NLGN1: variants seen among roughly 807,000 people sequenced by gnomAD.
The protein encoded by NLGN1 is neuroligin-1.
In NLGN1, 12 loss-of-function variants were observed where a neutral mutation model predicts 65.5. The observed-to-expected ratio is 0.18, with a 90% CI of 0.12 to 0.30. The LOEUF is 0.30. NLGN1 is among the 10% of genes least tolerant of loss of function. The pLI, the probability that NLGN1 is intolerant of heterozygous loss-of-function variation, is 1.00. For missense variants in NLGN1, 750 were observed against 1,007.1 expected (o/e 0.74, Z 3.46); for synonymous variants, 350 against 359.5 (o/e 0.97, Z 0.30).
intron 2 of NLGN1, among the ~76,000 whole-genome samples, chr3:173,453,637 C>T (rs1722012350): frequency 6.6e-6 from 1 of 152,182 alleles, no homozygotes; most frequent in Non-Finnish European, 1.5e-5. Flanking sequence ...ACTTTCTTCA[C>T]TTATCCATAA....
chr3:173,914,932 TG>T (rs1740423207), intron 4 of NLGN1: 1 of 152,218 alleles, frequency 6.6e-6, no homozygotes, highest in African/African-American at 2.4e-5. Flanking sequence ...TGTACTTGAA[TG>T]GAGCACAAGA....
chr3:173,740,578 ATAAT>A (rs1195875592), intron 3 of NLGN1, among the ~76,000 whole-genome samples: 1 of 152,080 alleles, frequency 6.6e-6, no homozygotes, highest in Non-Finnish European at 1.5e-5. Context: ...AGAGAAGAAA[ATAAT>A]TATAGACAAA....
At position 174,158,543 on chromosome 3, in the gene NLGN1, G is replaced by A. The variant is rs1016195348; in HGVS notation, c.647-116772G>A. Among the ~76,000 whole-genome samples, 5 of 151,540 alleles carry A rather than the reference G, an allele frequency of 3.3e-5. No homozygotes were observed. In the South Asian group the frequency reaches 6.2e-4, roughly 19 times the overall value. On this transcript the variant is annotated intron_variant, in intron 4 of 6. Coordinates refer to ENST00000457714, the Ensembl canonical transcript of NLGN1. ...GTGTTGTCTATGGATCAGAAGCCCC[G>A]GGCATACCTTGGTGCTGTTATAAAT...
intron 2 of NLGN1, among the ~76,000 whole-genome samples, chr3:173,483,062 A>G (rs1251432890): frequency 6.6e-6 from 1 of 152,030 alleles, no homozygotes; most frequent in Non-Finnish European, 1.5e-5. Flanking sequence ...CCCAACCTCC[A>G]GTAGTTGATT....
intron 2 of NLGN1, among the ~76,000 whole-genome samples, chr3:173,583,656 A>C (rs140362524): frequency 4.6e-5 from 7 of 152,338 alleles, no homozygotes; most frequent in Admixed American, 1.3e-4. Context: ...GGGAAAACAA[A>C]GTCCTGAAAT....
intron 1 of NLGN1, among the ~76,000 whole-genome samples, chr3:173,427,919 T>C (rs1716445071): frequency 6.6e-6 from 1 of 151,510 alleles, no homozygotes; most frequent in Admixed American, 6.6e-5. Context: ...TAATGTCTCC[T>C]ATTATTACTG....
At chr3:174,044,091 C>T (rs1047476535) in intron 4 of NLGN1, among the ~76,000 whole-genome samples, 12 of 152,114 alleles carry the variant, frequency 7.9e-5, no homozygotes, top group Admixed American at 7.9e-4. Flanking sequence ...TATCTTGGTC[C>T]CCTTTAGCTA....
At chr3:173,621,701 A>G (rs76829114) in intron 3 of NLGN1, among the ~76,000 whole-genome samples, 8,055 of 152,212 alleles carry the variant, frequency 0.053, 477 homozygotes, top group African/African-American at 0.13. Flanking sequence ...AGCAGAAATT[A>G]GTAGAATTGG....
At chr3:173,797,345 T>C (rs953267228) in intron 3 of NLGN1, among the ~76,000 whole-genome samples, 2 of 152,140 alleles carry the variant, frequency 1.3e-5, no homozygotes, top group Non-Finnish European at 2.9e-5. Flanking sequence ...TAAAAAATTC[T>C]TGATGTTAAG....
At chr3:174,151,802 C>T (rs541796884) in intron 4 of NLGN1, among the ~76,000 whole-genome samples, 1 of 152,162 alleles carries the variant, frequency 6.6e-6, no homozygotes, top group Admixed American at 6.6e-5. Context: ...CACAGATATT[C>T]CTAAAGTCTT....
intron 4 of NLGN1, among the ~76,000 whole-genome samples, chr3:173,886,893 A>T (rs1275306657): frequency 6.6e-6 from 1 of 152,090 alleles, no homozygotes. Flanking sequence ...TATAAAATAG[A>T]CTAAATATAG....
At chr3:174,100,670 G>T (rs920540741) in intron 4 of NLGN1, among the ~76,000 whole-genome samples, 1 of 151,852 alleles carries the variant, frequency 6.6e-6, no homozygotes, top group South Asian at 2.1e-4. Flanking sequence ...CACATAGGCT[G>T]CAGTTTATCA....
chr3:173,829,544 G>C (rs1722045278), intron 4 of NLGN1, among the ~76,000 whole-genome samples: 1 of 106,660 alleles, frequency 9.4e-6, no homozygotes, highest in Non-Finnish European at 2.0e-5. Context: ...TTCATGTGTG[G>C]AGTGTGTGCG....
intron 4 of NLGN1, among the ~76,000 whole-genome samples, chr3:173,993,654 T>TGATAGATAGATAGATA (rs10648000): frequency 7.1e-4 from 104 of 147,374 alleles, no homozygotes; most frequent in African/African-American, 8.5e-4. Context: ...GCTAGATAGA[T>TGATAGATAGATAGATA]GATAGATAGA....
intron 3 of NLGN1, among the ~76,000 whole-genome samples, chr3:173,758,088 G>A (rs1195422044): frequency 6.6e-6 from 1 of 151,944 alleles, no homozygotes; most frequent in African/African-American, 2.4e-5. Flanking sequence ...TGAAACTATT[G>A]CTGGCCTTAT....
chr3:173,889,783 T>A (rs1734999741), intron 4 of NLGN1, among the ~76,000 whole-genome samples: 1 of 146,636 alleles, frequency 6.8e-6, no homozygotes, highest in African/African-American at 2.5e-5. Flanking sequence ...TTCAGATGCA[T>A]CCAAAAAATA....
At chr3:173,727,590 C>G (rs910545521) in intron 3 of NLGN1, among the ~76,000 whole-genome samples, 1 of 152,096 alleles carries the variant, frequency 6.6e-6, no homozygotes, top group Admixed American at 6.6e-5. Context: ...TTGGAATTCA[C>G]TCTAGCAAAA....
At chr3:173,501,659 A>G (rs1731139619) in intron 2 of NLGN1, among the ~76,000 whole-genome samples, 1 of 149,832 alleles carries the variant, frequency 6.7e-6, no homozygotes, top group South Asian at 2.1e-4. Context: ...ATAATTATAT[A>G]TATTAGAATT....
At chr3:174,270,953 T>C (rs1178512081) in intron 4 of NLGN1, among the ~76,000 whole-genome samples, 1 of 151,824 alleles carries the variant, frequency 6.6e-6, no homozygotes, top group Admixed American at 6.6e-5. Context: ...CGTCTCACTA[T>C]CATTCAGAGT....
Sources: gnomAD v4.1 joint callset for allele counts (sites outside exome capture counted in the v4.1 genomes callset) on GRCh38, gnomAD v4.1.1 for gene constraint, MANE v1.5 for transcripts, NCBI Gene and HGNC (gene_info 2026-07-23, HGNC 2026-07-21) for gene names.